Variants in ME3 observed in about 807,000 individuals in gnomAD.
The protein encoded by ME3 is malic enzyme 3, also known as NADP-dependent malic enzyme, mitochondrial.
In ME3, 48 loss-of-function variants were observed where a neutral mutation model predicts 68.9. That is an observed-to-expected ratio of 0.70 (90% CI 0.55 to 0.89). ME3 has a LOEUF of 0.89. Ranked by LOEUF, ME3 falls within the 40% of genes least tolerant of loss-of-function variation. The pLI, the probability that ME3 is intolerant of heterozygous loss-of-function variation, is 0.00. For missense variants in ME3, 675 were observed against 797.4 expected (o/e 0.85, Z 1.85); for synonymous variants, 320 against 318.8 (o/e 1.00, Z -0.04).
At chr11:86,615,247 T>C (rs1227040119) in intron 2 of ME3, among the ~76,000 whole-genome samples, 1 of 152,198 alleles carries the variant, frequency 6.6e-6, no homozygotes, top group East Asian at 1.9e-4. Flanking sequence ...ATTGGAATTA[T>C]GGAATTTTTG....
At chr11:86,662,004 G>C (rs1378422399) in intron 2 of ME3, among the ~76,000 whole-genome samples, 1 of 152,168 alleles carries the variant, frequency 6.6e-6, no homozygotes, top group African/African-American at 2.4e-5. Context: ...AGAGAAAAAG[G>C]CATCCAGTGA....
intron 2 of ME3, among the ~76,000 whole-genome samples, chr11:86,636,809 T>C (rs1231963962): frequency 2.6e-5 from 4 of 152,226 alleles, no homozygotes; most frequent in African/African-American, 9.6e-5. Flanking sequence ...TTATGGGAAT[T>C]AAATGAGCAA....
intron 6 of ME3, among the ~76,000 whole-genome samples, chr11:86,491,134 G>C (rs185716797): frequency 3.3e-5 from 5 of 152,288 alleles, no homozygotes; most frequent in African/African-American, 1.2e-4. Context: ...TGTTTGTATA[G>C]AGCTTTCAAG....
intron 2 of ME3, among the ~76,000 whole-genome samples, chr11:86,597,937 A>G (rs1025623830): frequency 3.9e-5 from 6 of 152,144 alleles, no homozygotes; most frequent in African/African-American, 1.4e-4. Flanking sequence ...TTAACTGGCA[A>G]TTGGTTGAAA....
intron 2 of ME3, among the ~76,000 whole-genome samples, chr11:86,650,504 C>G (rs1423013023): frequency 6.6e-6 from 1 of 152,174 alleles, no homozygotes; most frequent in Non-Finnish European, 1.5e-5. Flanking sequence ...AAGAAACTAG[C>G]ATCAGAGTGA....
chr11:86,537,912 G>T (rs1440782260), intron 4 of ME3, among the ~76,000 whole-genome samples: 1 of 152,210 alleles, frequency 6.6e-6, no homozygotes, highest in Non-Finnish European at 1.5e-5. Context: ...GAAGTGTTTG[G>T]TGTGTACTTA....
chr11:86,632,207 C>A (rs1565241901), intron 2 of ME3, among the ~76,000 whole-genome samples: 1 of 152,206 alleles, frequency 6.6e-6, no homozygotes, highest in South Asian at 2.1e-4. Flanking sequence ...TGTTCAAGGG[C>A]TGCTGGGTGC....
At chr11:86,618,299 CAAAAAAAAAAAAAAAAAAA>C (rs55824426) in intron 2 of ME3, among the ~76,000 whole-genome samples, 2 of 55,934 alleles carry the variant, frequency 3.6e-5, no homozygotes, top group Non-Finnish European at 6.3e-5. Flanking sequence ...GGCTCTGTCT[CAAAAAAAAAAAAAAAAAAA>C]AAAAAAAAAA....
At chr11:86,669,968 C>T (rs1218435468) in intron 2 of ME3, among the ~76,000 whole-genome samples, 1 of 152,114 alleles carries the variant, frequency 6.6e-6, no homozygotes, top group Non-Finnish European at 1.5e-5. Flanking sequence ...TACATCCATT[C>T]CTCCTCCTTC....
chr11:86,559,779 G>C, exon 3 of ME3: 1 of 1,614,014 alleles, frequency 6.2e-7, no homozygotes, highest in South Asian at 1.1e-5. Context: ...GGATTAGGCC[G>C]TGGATTCCAA....
At chr11:86,463,381 C>T (rs1352124823) in intron 8 of ME3, among the ~76,000 whole-genome samples, 1 of 152,192 alleles carries the variant, frequency 6.6e-6, no homozygotes, top group Non-Finnish European at 1.5e-5. Context: ...GCAGGTGCTT[C>T]CTCAGGGCCA....
In ME3 at chr11:86,490,387, G is replaced by A. The variant is rs999916984; in HGVS notation, c.706-2947C>T. 5.3e-5 allele frequency among the ~76,000 whole-genome samples: 8 copies of A among 152,228 alleles called. No individual in the cohort carries two copies. In the East Asian group the frequency reaches 1.4e-3, roughly 26 times the overall value. ...GTGTGTGCGTGTGTGTGTCAGTAGG[G>A]GGGACCTAAAGGGTGAAAGTGGTGC... On this transcript the variant is annotated intron_variant, in intron 6 of 14. Coordinates refer to ENST00000543262, the Ensembl canonical transcript of ME3.
intron 2 of ME3, among the ~76,000 whole-genome samples, chr11:86,587,350 G>C (rs1958800448): frequency 6.6e-6 from 1 of 152,222 alleles, no homozygotes; most frequent in African/African-American, 2.4e-5. Context: ...GGCAGGCCCA[G>C]GTCAAGGAGA....
At chr11:86,480,116 G>T (rs1951315711) in intron 7 of ME3, among the ~76,000 whole-genome samples, 1 of 152,176 alleles carries the variant, frequency 6.6e-6, no homozygotes, top group Admixed American at 6.5e-5. Context: ...ACCGCGCCTG[G>T]CCTAGCTGAT....
intron 8 of ME3, among the ~76,000 whole-genome samples, chr11:86,455,364 A>C (rs1361701916): frequency 6.6e-6 from 1 of 152,250 alleles, no homozygotes; most frequent in Non-Finnish European, 1.5e-5. Context: ...TTTGAGCATC[A>C]ATTATGAACC....
At chr11:86,513,860 A>G (rs145553839) in intron 4 of ME3, among the ~76,000 whole-genome samples, 50 of 152,184 alleles carry the variant, frequency 3.3e-4, no homozygotes, top group Non-Finnish European at 5.7e-4. Context: ...GATTTAGCCT[A>G]TTTTCACTCA....
intron 4 of ME3, among the ~76,000 whole-genome samples, chr11:86,535,704 C>A (rs511884): frequency 0.078 from 11,819 of 152,258 alleles, 591 homozygotes; most frequent in East Asian, 0.26. Context: ...GGAATTTTTA[C>A]ACTTTTTACA....
chr11:86,656,377 A>C (rs1314076801), intron 2 of ME3, among the ~76,000 whole-genome samples: 2 of 151,920 alleles, frequency 1.3e-5, no homozygotes, highest in East Asian at 3.9e-4. Context: ...AGACTGGATT[A>C]AGAAAATGTG....
At chr11:86,569,418 T>C (rs1469624214) in intron 2 of ME3, among the ~76,000 whole-genome samples, 1 of 152,122 alleles carries the variant, frequency 6.6e-6, no homozygotes, top group Non-Finnish European at 1.5e-5. Flanking sequence ...CACAGTCGAC[T>C]ACCTGCAACC....
Sources: gnomAD v4.1 joint callset for allele counts (sites outside exome capture counted in the v4.1 genomes callset) on GRCh38, gnomAD v4.1.1 for gene constraint, MANE v1.5 for transcripts, NCBI Gene and HGNC (gene_info 2026-07-23, HGNC 2026-07-21) for gene names.